Variants in PLEKHH2 observed in about 807,000 individuals in gnomAD.
PLEKHH2 encodes the protein pleckstrin homology, MyTH4 and FERM domain containing H2.
PLEKHH2 carries 129 observed loss-of-function variants against 187.9 expected under a neutral mutation model. That is an observed-to-expected ratio of 0.69 (90% CI 0.59 to 0.79). The LOEUF (loss-of-function observed/expected upper bound fraction) is 0.79. Among genes scored for constraint, PLEKHH2 ranks in the 30% least tolerant of loss-of-function variants. The probability of loss-of-function intolerance (pLI) is 0.00; values close to 1 mark genes in which losing one functional copy is unlikely to be tolerated. For synonymous variants in PLEKHH2, 686 were observed against 605.6 expected (o/e 1.13, Z -1.95); for missense variants, 2,076 against 1,751.2 (o/e 1.19, Z -3.31).
intron 1 of PLEKHH2, among the ~76,000 whole-genome samples, chr2:43,637,913 C>T (rs942038245): frequency 6.6e-6 from 1 of 152,204 alleles, no homozygotes; most frequent in Admixed American, 6.5e-5. Flanking sequence ...AAACCACTGT[C>T]CCCGAAGTTA....
At chr2:43,725,945 C>CA (rs200447225) in intron 16 of PLEKHH2, among the ~76,000 whole-genome samples, 1,601 of 145,094 alleles carry the variant, frequency 0.011, 35 homozygotes, top group African/African-American at 0.039. Flanking sequence ...ACCCTATCTC[C>CA]AAAAAAAAAT....
chr2:43,710,180 A>T, intron 12 of PLEKHH2, 40 bp from the exon 13 acceptor site: 1 of 1,611,136 alleles, frequency 6.2e-7, no homozygotes, highest in Non-Finnish European at 8.5e-7. Context: ...AGCCTCCAAA[A>T]GGAAACTGAA....
intron 16 of PLEKHH2, among the ~76,000 whole-genome samples, chr2:43,723,201 T>A (rs1177873998): frequency 2.6e-5 from 4 of 152,348 alleles, no homozygotes; most frequent in Middle Eastern, 6.8e-3. Context: ...CATCCTATTA[T>A]TAAAAGCTTG....
intron 2 of PLEKHH2, chr2:43,676,085 C>T: frequency 2.5e-6 from 4 of 1,613,840 alleles, no homozygotes; most frequent in South Asian, 1.1e-5. Context: ...TAACTCTCAT[C>T]TTCGGATTCT....
At chr2:43,695,330 T>A in intron 6 of PLEKHH2, 106 bp downstream of exon 6, 1 of 529,140 alleles carries the variant, frequency 1.9e-6, no homozygotes, top group East Asian at 3.4e-5. Context: ...TCCAAGAAGC[T>A]GTTGCCATAA....
At chr2:43,663,995 G>C (rs1246781075) in intron 2 of PLEKHH2, among the ~76,000 whole-genome samples, 48 of 114,346 alleles carry the variant, frequency 4.2e-4, no homozygotes, top group African/African-American at 1.6e-3. Flanking sequence ...AGGTCCGCTT[G>C]GTGCAGAGAT....
intron 2 of PLEKHH2, among the ~76,000 whole-genome samples, chr2:43,651,863 G>A (rs7583898): frequency 0.22 from 34,151 of 152,084 alleles, 4,197 homozygotes; most frequent in Middle Eastern, 0.31. Context: ...GTTATCTTCT[G>A]TTCCCTGAAT....
intron 10 of PLEKHH2, 36 bp downstream of exon 10, chr2:43,706,452 C>G (rs2104505688): frequency 7.2e-7 from 1 of 1,392,264 alleles, no homozygotes; most frequent in Non-Finnish European, 1.0e-6. Context: ...ACATGTGCTT[C>G]TCTTCATGAT....
Position 43,638,279 on chromosome 2 carries a change from A to G in PLEKHH2, c.-4+900A>G, listed in dbSNP as rs966731410. Among the ~76,000 whole-genome samples, 5 of 144,472 alleles carry G rather than the reference A, an allele frequency of 3.5e-5. No homozygotes were observed. The East Asian group carries it at 7.8e-4, about 23-fold the overall frequency. The allele number at this position is 144,472 out of a possible 152,430, so 94.8% of individuals were successfully genotyped here. On this transcript the variant is annotated intron_variant, in intron 1 of 29. Coordinates refer to ENST00000282406, the MANE Select transcript of PLEKHH2 (RefSeq NM_172069.4). ...CACACACACACACACACACACACAC[A>G]CACACACACTCACACACACGATTAC...
chr2:43,648,175 G>GT (rs1210866600), intron 2 of PLEKHH2, among the ~76,000 whole-genome samples: 16 of 151,792 alleles, frequency 1.1e-4, no homozygotes, highest in South Asian at 4.2e-4. Flanking sequence ...TGTCTTTCTG[G>GT]TTTTTTTTGT....
chr2:43,700,273 C>A lies in PLEKHH2; in HGVS notation c.1315C>A (p.Pro439Thr). ...AGTGCCTTCATCACACCTGCCACCCCCAAAGTTAAGGATTCCTAATGTTTT... is the reference window on the plus strand; with the variant it reads ...AGTGCCTTCATCACACCTGCCACCCACAAAGTTAAGGATTCCTAATGTTTT... ...QLVPSSHLPPPKLRIPNVFSI... is the reference protein window; with the variant it reads ...QLVPSSHLPPTKLRIPNVFSI... Residue 439 changes from proline (P) to threonine (T), a missense_variant, in exon 8 of 30, where the codon CCA (proline) becomes ACA (threonine). Pro to Thr is a conservative substitution (Grantham distance 38, BLOSUM62 -1). Coordinates refer to ENST00000282406, the MANE Select transcript of PLEKHH2 (RefSeq NM_172069.4). 6.2e-7 allele frequency: 1 copy of A among 1,614,124 alleles called. No homozygotes were observed. The highest frequency in any genetic ancestry group is 8.5e-7 in the Non-Finnish European group (1 of 1,180,022).
chr2:43,686,586 G>T (rs192786549), intron 3 of PLEKHH2, among the ~76,000 whole-genome samples: 1 of 152,238 alleles, frequency 6.6e-6, no homozygotes, highest in African/African-American at 2.4e-5. Context: ...GCAATGCTTT[G>T]CTATATGAGG....
chr2:43,642,921 A>G (rs916893776), intron 1 of PLEKHH2, among the ~76,000 whole-genome samples: 1 of 152,122 alleles, frequency 6.6e-6, no homozygotes, highest in East Asian at 1.9e-4. Flanking sequence ...CTTATTCCTT[A>G]AGCTAGAAGA....
intron 2 of PLEKHH2, 149 bp from the exon 3 acceptor site, chr2:43,678,714 G>A: frequency 1.7e-6 from 1 of 580,636 alleles, no homozygotes; most frequent in Non-Finnish European, 3.2e-6. Context: ...GAGAGGGAGA[G>A]GGAGACCGTG....
chr2:43,642,861 G>A (rs1321585734), intron 1 of PLEKHH2, among the ~76,000 whole-genome samples: 1 of 152,066 alleles, frequency 6.6e-6, no homozygotes, highest in Non-Finnish European at 1.5e-5. Context: ...TACATGTAGA[G>A]CAAAAATTAA....
chr2:43,683,510 A>T (rs916671360), intron 3 of PLEKHH2, among the ~76,000 whole-genome samples: 2 of 151,806 alleles, frequency 1.3e-5, no homozygotes, highest in African/African-American at 4.8e-5. Flanking sequence ...ATTTCATTTG[A>T]TTCTTAAACT....
In PLEKHH2 at chr2:43,711,020, A is replaced by G. The variant is rs112555980; in HGVS notation, c.2301+445A>G. 4.0e-6 allele frequency: 4 copies of G among 995,636 alleles called. No individual in the cohort carries two copies. In the African/African-American group the frequency reaches 7.0e-5, roughly 17 times the overall value. The allele number at this position is 995,636 out of a possible 1,614,324, so 61.7% of individuals were successfully genotyped here. ...ATGCCATAACACCAAAGTGGGAAAT[A>G]TATTGGTGAGCAGAGGGAGTGTGCT... On this transcript the variant is annotated intron_variant, in intron 14 of 29. Coordinates refer to ENST00000282406, the MANE Select transcript of PLEKHH2 (RefSeq NM_172069.4).
intron 2 of PLEKHH2, among the ~76,000 whole-genome samples, chr2:43,678,394 C>T (rs1191658659): frequency 2.0e-5 from 3 of 152,120 alleles, no homozygotes; most frequent in Admixed American, 1.3e-4. Flanking sequence ...GCCGAGATCA[C>T]GCCACTGCAC....
intron 29 of PLEKHH2, 29 bp from the exon 30 acceptor site, chr2:43,765,384 G>A (rs1214336131): frequency 1.2e-6 from 2 of 1,605,504 alleles, no homozygotes; most frequent in African/African-American, 2.7e-5. Context: ...CTTCTAAGGA[G>A]CAAAACAATT....
Sources: allele counts gnomAD v4.1 joint callset (sites outside exome capture counted in the v4.1 genomes callset), GRCh38; gene constraint gnomAD v4.1.1; transcripts MANE v1.5; gene names NCBI Gene and HGNC (gene_info 2026-07-23, HGNC 2026-07-21).